Variants in MROH7 observed in about 807,000 individuals in gnomAD.
MROH7 encodes the protein maestro heat-like repeat-containing protein family member 7.
MROH7 carries 113 observed loss-of-function variants against 129.2 expected under a neutral mutation model. That is an observed-to-expected ratio of 0.87 (90% CI 0.75 to 1.02). MROH7 has a LOEUF of 1.02. MROH7 is among the 50% of genes least tolerant of loss of function. The pLI is 0.00. For missense variants in MROH7, 1,601 were observed against 1,671.3 expected (o/e 0.96, Z 0.73); for synonymous variants, 655 against 667.9 (o/e 0.98, Z 0.30).
chr1:54,679,730 G>A (rs1232673843), intron 12 of MROH7, among the ~76,000 whole-genome samples, 161 bp from the exon 13 acceptor site: 1 of 152,106 alleles, frequency 6.6e-6, no homozygotes, highest in Non-Finnish European at 1.5e-5. Context: ...TCACTCCCAG[G>A]GAGGGGCAGG....
At chr1:54,657,203 C>T (rs1655517) in intron 3 of MROH7, among the ~76,000 whole-genome samples, 58,081 of 151,192 alleles carry the variant, frequency 0.38, 11,405 homozygotes, top group South Asian at 0.56. Flanking sequence ...ACGTGCCACC[C>T]TACTCAGCTA....
intron 17 of MROH7, 150 bp downstream of exon 17, chr1:54,695,640 C>T (rs1233093209): frequency 2.9e-6 from 2 of 698,084 alleles, no homozygotes; most frequent in Admixed American, 2.0e-5. Context: ...TCTTGTTGGT[C>T]TCCCTCCCTC....
chr1:54,704,789 A>G (rs1230981370), intron 21 of MROH7, among the ~76,000 whole-genome samples: 1 of 96,154 alleles, frequency 1.0e-5, no homozygotes, highest in Non-Finnish European at 1.9e-5. Context: ...CATTCAATGT[A>G]GCTCTTTTTT....
intron 19 of MROH7, 28 bp from the exon 20 acceptor site, chr1:54,702,062 C>T (rs1269314660): frequency 6.5e-7 from 1 of 1,539,360 alleles, no homozygotes; most frequent in Non-Finnish European, 8.8e-7. Flanking sequence ...AGAGGAGGGA[C>T]CCCCTCTGAG....
In MROH7 at chr1:54,641,977, T is replaced by A. The variant is rs566537755; in HGVS notation, c.-110+9T>A. 1 of 152,328 alleles carries A rather than the reference T, an allele frequency of 6.6e-6. No individual in the cohort carries two copies. Among genetic ancestry groups the A allele is most frequent in the Non-Finnish European group, 1.5e-5 (1 of 68,052 alleles). 9.4% of individuals were successfully genotyped at this position (152,328 alleles called of 1,614,324 possible). On this transcript the variant is annotated intron_variant, in intron 1 of 23. Transcript: ENST00000421030. ...GGATGCTCCAGGTGAAGGTAACACA[T>A]TGAACTTTACATGAGCAGCCCAAGG... is the stretch of plus-strand genomic sequence containing the variant.
At chr1:54,659,584 G>A (rs1055626907) in intron 3 of MROH7, among the ~76,000 whole-genome samples, 1 of 152,112 alleles carries the variant, frequency 6.6e-6, no homozygotes, top group Non-Finnish European at 1.5e-5. Flanking sequence ...CTCCTGAGTA[G>A]CTGGAATTAC....
At chr1:54,673,927 T>C in intron 9 of MROH7, 89 bp from the exon 10 acceptor site, 3 of 1,555,044 alleles carry the variant, frequency 1.9e-6, no homozygotes, top group South Asian at 1.2e-5. Flanking sequence ...CTGTGCTATC[T>C]GGGCCAGACT....
At chr1:54,707,725 C>G (rs551695773) in intron 22 of MROH7, among the ~76,000 whole-genome samples, 3 of 152,276 alleles carry the variant, frequency 2.0e-5, no homozygotes, top group African/African-American at 7.2e-5. Flanking sequence ...GTGAGTAGAG[C>G]CTTGATCTGC....
At chr1:54,663,140 A>G (rs1280776584) in intron 3 of MROH7, among the ~76,000 whole-genome samples, 2 of 152,188 alleles carry the variant, frequency 1.3e-5, no homozygotes, top group Non-Finnish European at 2.9e-5. Flanking sequence ...TCGTGTGGTC[A>G]GGTACTTTGA....
At chr1:54,645,401 T>C (rs1220415643) in intron 1 of MROH7, among the ~76,000 whole-genome samples, 1 of 152,028 alleles carries the variant, frequency 6.6e-6, no homozygotes, top group African/African-American at 2.4e-5. Context: ...TGCCCAAGCC[T>C]CCTGAGTAGC....
chr1:54,707,464 A>G (rs1459958148), intron 22 of MROH7, among the ~76,000 whole-genome samples: 1 of 152,242 alleles, frequency 6.6e-6, no homozygotes, highest in Non-Finnish European at 1.5e-5. Flanking sequence ...CTAGAACAAC[A>G]AAGAGCCCTT....
rs767895395 is a variant in MROH7 at position 54,654,069 on chromosome 1, C to T, written c.1143C>T (p.Ala381=). Residue 381 remains alanine (A), a synonymous_variant, in exon 3 of 24, where the codon GCC becomes GCT. Transcript: ENST00000421030. ...EENLESWSEM[A]SIKVGQFPLG... ...ATCTGGAGAGTTGGAGTGAGATGGC[C>T]AGCATTAAGGTGGGCCAGTTCCCGC... 3 of 1,614,122 alleles carry T rather than the reference C, an allele frequency of 1.9e-6. No individual in the cohort carries two copies. The highest frequency in any genetic ancestry group is 1.3e-5 in the African/African-American group (1 of 75,036).
At chr1:54,656,722 T>G (rs1644654405) in intron 3 of MROH7, among the ~76,000 whole-genome samples, 1 of 151,734 alleles carries the variant, frequency 6.6e-6, no homozygotes, top group African/African-American at 2.4e-5. Flanking sequence ...CTTAGGAGGC[T>G]CCTACTTAAA....
At chr1:54,648,728 G>A (rs1233131416) in intron 1 of MROH7, among the ~76,000 whole-genome samples, 1 of 151,906 alleles carries the variant, frequency 6.6e-6, no homozygotes, top group Non-Finnish European at 1.5e-5. Context: ...TTGGAAGCTG[G>A]TCTAGATAAA....
chr1:54,687,309 A>C (rs2101154035), intron 15 of MROH7, among the ~76,000 whole-genome samples: 1 of 152,302 alleles, frequency 6.6e-6, no homozygotes, highest in Admixed American at 6.5e-5. Context: ...TCCTGACCTC[A>C]GGCGATCCAC....
At chr1:54,699,093 C>CT (rs1553176852) in intron 17 of MROH7, 7 of 107,970 alleles carry the variant, frequency 6.5e-5, no homozygotes, top group Non-Finnish European at 1.0e-4. Flanking sequence ...CTTGCCTGGC[C>CT]TTTTCTTTCT....
chr1:54,695,887 AG>A, intron 17 of MROH7: 1 of 316,962 alleles, frequency 3.2e-6, no homozygotes, highest in Non-Finnish European at 6.1e-6. Flanking sequence ...GGGGCCATCT[AG>A]GCTGTGGTGG....
chr1:54,687,468 G>C (rs181769861), intron 15 of MROH7, among the ~76,000 whole-genome samples: 7 of 152,130 alleles, frequency 4.6e-5, no homozygotes, highest in African/African-American at 1.7e-4. Flanking sequence ...TCTGGATTTC[G>C]GGGCTTTCCA....
chr1:54,674,214 T>C (rs546041614), intron 10 of MROH7, 63 bp downstream of exon 10: 1,028 of 1,556,190 alleles, frequency 6.6e-4, no homozygotes, highest in Non-Finnish European at 8.5e-4. Context: ...CTGGATTCAA[T>C]AAAGAATCAG....
Sources: gnomAD v4.1 joint callset for allele counts (sites outside exome capture counted in the v4.1 genomes callset) on GRCh38, gnomAD v4.1.1 for gene constraint, MANE v1.5 for transcripts, NCBI Gene and HGNC (gene_info 2026-07-23, HGNC 2026-07-21) for gene names.